Variants in NLRP1 observed in about 807,000 individuals in gnomAD.
NLRP1 encodes NACHT, LRR and PYD domains-containing protein 1.
In NLRP1, 94 loss-of-function variants were observed where a neutral mutation model predicts 136.7. The ratio of observed to expected loss-of-function variants is 0.69; its 90% CI spans 0.58 to 0.82. The LOEUF (loss-of-function observed/expected upper bound fraction) is 0.82. Ranked by LOEUF, NLRP1 falls within the 40% of genes least tolerant of loss-of-function variation. The pLI, the probability that NLRP1 is intolerant of heterozygous loss-of-function variation, is 0.00. For missense variants in NLRP1, 1,575 were observed against 1,802.7 expected (o/e 0.87, Z 2.29); for synonymous variants, 690 against 725.1 (o/e 0.95, Z 0.78).
At chr17:5,506,304 A>G (rs111279373) in intron 15 of NLRP1, among the ~76,000 whole-genome samples, 8,453 of 150,230 alleles carry the variant, frequency 0.056, 385 homozygotes, top group African/African-American at 0.13. Flanking sequence ...AAAAAAAATC[A>G]TCAAACAGCC....
At chr17:5,578,791 G>A (rs1905269984) in intron 3 of NLRP1, among the ~76,000 whole-genome samples, 1 of 152,146 alleles carries the variant, frequency 6.6e-6, no homozygotes, top group Non-Finnish European at 1.5e-5. Context: ...AAATCATGCT[G>A]CTATAAAGAC....
At chr17:5,540,125 T>A (rs909263007) in intron 6 of NLRP1, among the ~76,000 whole-genome samples, 1 of 152,230 alleles carries the variant, frequency 6.6e-6, no homozygotes, top group African/African-American at 2.4e-5. Flanking sequence ...ACTGCTGCCC[T>A]GTTTACAGCA....
Position 5,520,862 on chromosome 17 carries a change from C to G in NLRP1, c.3915+19G>C. 1 of 1,551,196 alleles carries G rather than the reference C, an allele frequency of 6.4e-7. No homozygotes were observed. Among genetic ancestry groups the G allele is most frequent in the Non-Finnish European group, 8.8e-7 (1 of 1,142,732 alleles). ...AGGACTTCTGTTCGCAGTGAAGAGG[C>G]AGACACTGGGCTGCTCACCTTGGGG... On this transcript the variant is annotated intron_variant, in intron 14 of 16. Coordinates refer to ENST00000572272, the MANE Select transcript of NLRP1 (RefSeq NM_033004.4).
chr17:5,558,068 T>A (rs565967819), intron 4 of NLRP1, among the ~76,000 whole-genome samples: 3 of 151,966 alleles, frequency 2.0e-5, no homozygotes, highest in African/African-American at 7.3e-5. Flanking sequence ...TGGACGGTCA[T>A]TCTAAGGGTA....
chr17:5,574,362 A>G (rs1024195974), intron 3 of NLRP1, among the ~76,000 whole-genome samples: 2 of 152,212 alleles, frequency 1.3e-5, no homozygotes, highest in African/African-American at 2.4e-5. Context: ...GGGAGAATGG[A>G]ACCAAGTTGG....
chr17:5,523,283 C>T (rs529420057), intron 12 of NLRP1, among the ~76,000 whole-genome samples: 17 of 151,824 alleles, frequency 1.1e-4, no homozygotes, highest in African/African-American at 3.9e-4. Context: ...GAGACCCTGT[C>T]TCAAAAACAA....
At chr17:5,550,054 T>A (rs1913141668) in intron 5 of NLRP1, among the ~76,000 whole-genome samples, 1 of 152,252 alleles carries the variant, frequency 6.6e-6, no homozygotes, top group South Asian at 2.1e-4. Flanking sequence ...TCCCATTTGG[T>A]CATGGTCTAC....
At chr17:5,556,573 C>T (rs1262011511) in intron 4 of NLRP1, among the ~76,000 whole-genome samples, 7 of 151,204 alleles carry the variant, frequency 4.6e-5, no homozygotes, top group South Asian at 2.1e-4. Context: ...GGTTCGATTT[C>T]GCCATAGACA....
intron 15 of NLRP1, among the ~76,000 whole-genome samples, chr17:5,515,889 C>T (rs892700512): frequency 1.3e-5 from 2 of 151,158 alleles, no homozygotes; most frequent in Non-Finnish European, 3.0e-5. Context: ...TTAGCACCTC[C>T]TTGTCTGAGC....
In NLRP1 at chr17:5,536,895, C is replaced by A. The variant is rs937049237; in HGVS notation, c.2916G>T (p.Arg972Ser). Residue 972 changes from arginine to serine, a missense_variant, in exon 8 of 17, where the codon AGG (arginine) becomes AGT (serine). Arg to Ser is a moderately radical substitution (Grantham distance 110). Transcript: ENST00000572272. ...GCTGAGGTTTCTCCTGCTCCAGGGC[C>A]CTCAGTTCCTGCCTCATCTCATCAC... Reference protein sequence around the residue: ...TLSDEMRQELRALEQEKPQLL... With the variant: ...TLSDEMRQELSALEQEKPQLL... 1.9e-6 allele frequency: 3 copies of A among 1,613,788 alleles called. No homozygotes were observed. Among genetic ancestry groups the A allele is most frequent in the Non-Finnish European group, 1.7e-6 (2 of 1,179,796 alleles).
chr17:5,538,993 TG>T (rs1911482163), intron 7 of NLRP1, among the ~76,000 whole-genome samples: 2 of 152,172 alleles, frequency 1.3e-5, no homozygotes, highest in South Asian at 4.2e-4. Flanking sequence ...TGATTCTCCC[TG>T]CAAGTAGCTG....
chr17:5,517,362 C>CACCG (rs1294248524), intron 15 of NLRP1, among the ~76,000 whole-genome samples: 5 of 61,564 alleles, frequency 8.1e-5, no homozygotes. Flanking sequence ...CCCCCCCCCT[C>CACCG]CCACATACAC....
intron 13 of NLRP1, 88 bp downstream of exon 13, chr17:5,521,436 G>T: frequency 7.1e-7 from 1 of 1,400,038 alleles, no homozygotes; most frequent in Non-Finnish European, 9.8e-7. Context: ...CTTGGTCCCA[G>T]TTGAAGACCC....
intron 4 of NLRP1, 98 bp downstream of exon 4, chr17:5,558,241 C>T: frequency 2.9e-6 from 4 of 1,359,224 alleles, no homozygotes; most frequent in Non-Finnish European, 1.0e-6. Flanking sequence ...GCCACCCCCA[C>T]CCCCGGCCAG....
At chr17:5,580,476 T>C (rs1207427424) in intron 3 of NLRP1, among the ~76,000 whole-genome samples, 1 of 152,196 alleles carries the variant, frequency 6.6e-6, no homozygotes, top group Admixed American at 6.5e-5. Context: ...CCTTAGAATT[T>C]AGAATCAGGG....
At position 5,552,115 on chromosome 17, in the gene NLRP1, T is replaced by A. The variant is rs1024374454; in HGVS notation, c.2528+1271A>T. On this transcript the variant is annotated intron_variant, in intron 5 of 16. Transcript: ENST00000572272. ...TTTTTTTTTTTTTTTTTTTTTTTTT[T>A]AAATAGAAGTATTTATAACTATAAA... Among the ~76,000 whole-genome samples the A allele has an allele frequency of 9.9e-5, 10 of 101,448 alleles. No individual in the cohort carries two copies. In the East Asian group the frequency reaches 1.2e-3, roughly 12 times the overall value. 66.6% of individuals were successfully genotyped at this position (101,448 alleles called of 152,430 possible).
chr17:5,564,943 T>A (rs927426187), intron 3 of NLRP1, among the ~76,000 whole-genome samples: 19 of 152,206 alleles, frequency 1.2e-4, no homozygotes, highest in Non-Finnish European at 1.5e-5. Flanking sequence ...TTCACTGTGT[T>A]AGCCAGGATG....
At chr17:5,532,311 T>C (rs1294346641) in intron 11 of NLRP1, among the ~76,000 whole-genome samples, 3 of 152,140 alleles carry the variant, frequency 2.0e-5, no homozygotes, top group Non-Finnish European at 4.4e-5. Context: ...TTTTAGACAA[T>C]TGAGCAATTT....
At chr17:5,532,328 G>A (rs1597412811) in intron 11 of NLRP1, among the ~76,000 whole-genome samples, 1 of 152,222 alleles carries the variant, frequency 6.6e-6, no homozygotes, top group East Asian at 1.9e-4. Context: ...ATTTGAATAT[G>A]GATTGGGGAG....
Sources: allele counts gnomAD v4.1 joint callset (sites outside exome capture counted in the v4.1 genomes callset), GRCh38; gene constraint gnomAD v4.1.1; transcripts MANE v1.5; gene names NCBI Gene and HGNC (gene_info 2026-07-23, HGNC 2026-07-21).